Variants in DEGS2 observed in about 807,000 individuals in gnomAD.
DEGS2 encodes the protein delta 4-desaturase, sphingolipid 2.
In DEGS2, 19 loss-of-function variants were observed where a neutral mutation model predicts 23.8. The observed-to-expected ratio is 0.80, with a 90% confidence interval of 0.56 to 1.17. The LOEUF (loss-of-function observed/expected upper bound fraction) is 1.17. Ranked by LOEUF, DEGS2 falls within the 50% of genes most tolerant of loss-of-function variation. DEGS2 has a pLI of 0.00. For synonymous variants in DEGS2, 218 were observed against 213.7 expected, an observed-to-expected ratio of 1.02 and a Z score of -0.18; for missense variants, 390 against 459.5, an observed-to-expected ratio of 0.85 and a Z score of 1.38.
rs183217476 is a variant in DEGS2 at position 100,144,128 on chromosome 14, G to A, written c.*2633C>T. 3.8e-4 allele frequency: 111 copies of A among 291,792 alleles called. 2 individuals carry two copies. In the East Asian group the frequency reaches 7.0e-3, roughly 19 times the overall value. 18.1% of individuals were successfully genotyped at this position (291,792 alleles called of 1,614,324 possible). A position where few individuals can be genotyped will look rare whatever the true frequency, so the allele number is the denominator to read the frequency against. Reference sequence around the variant, plus strand: ...GCCCAGCGTGGCGCCACCACACACCGCAGAGCTGTCCAGGCACAGCTCCGT... The same window carrying A: ...GCCCAGCGTGGCGCCACCACACACCACAGAGCTGTCCAGGCACAGCTCCGT... On this transcript the variant is annotated 3_prime_UTR_variant, in exon 3 of 3. Transcript: ENST00000305631.
chr14:100,149,350 A>G lies in DEGS2; in HGVS notation c.443T>C (p.Leu148Pro). The G allele has an allele frequency of 6.2e-7, 1 of 1,609,618 alleles. No homozygotes were observed. Among genetic ancestry groups the G allele is most frequent in the East Asian group, 2.2e-5 (1 of 44,814 alleles). Residue 148 changes from leucine (L) to proline (P), a missense_variant, in exon 2 of 3, where the codon CTG (leucine) becomes CCG (proline). Transcript: ENST00000305631. ...DGLDVDVPTRLEGWFFCTPAR... is the reference protein window; with the variant it reads ...DGLDVDVPTRPEGWFFCTPAR... ...GGGTGTGCAGAAGAACCAGCCCTCC[A>G]GACGCGTGGGCACGTCCACGTCCAG...
chr14:100,148,738 A>G (rs1325244938), intron 2 of DEGS2, among the ~76,000 whole-genome samples: 1 of 152,234 alleles, frequency 6.6e-6, no homozygotes, highest in East Asian at 1.9e-4. Context: ...GGACTGTGAA[A>G]TGCCTCTCAG....
chr14:100,150,068 A>G (rs1013717876), intron 1 of DEGS2, among the ~76,000 whole-genome samples: 2 of 152,180 alleles, frequency 1.3e-5, no homozygotes, highest in African/African-American at 4.8e-5. Flanking sequence ...TGTGTACTCA[A>G]GCACACGGGG....
chr14:100,159,483 G>C (rs942861763), intron 1 of DEGS2, 23 bp downstream of exon 1: 3 of 1,466,896 alleles, frequency 2.0e-6, no homozygotes, highest in African/African-American at 1.5e-5. Flanking sequence ...TCCCCACCGG[G>C]GTGGGCCCCG....
chr14:100,145,479 AG>A lies in DEGS2; in HGVS notation c.*1281del, dbSNP rs1394174728. 6.6e-6 allele frequency: 1 copy of A among 152,238 alleles called. No individual in the cohort carries two copies. Among genetic ancestry groups the A allele is most frequent in the Non-Finnish European group, 1.5e-5 (1 of 68,068 alleles). 9.4% of individuals were successfully genotyped at this position (152,238 alleles called of 1,614,324 possible). The stretch of plus-strand genomic sequence containing the variant: ...GCTGTGCGGGGCCACTCCCAGGTAT[AG>A]GGGGAGACCTGCATCTCCCAGGTCA... On this transcript the variant is annotated 3_prime_UTR_variant, in exon 3 of 3. Transcript: ENST00000305631.
intron 1 of DEGS2, among the ~76,000 whole-genome samples, chr14:100,159,015 C>G (rs1889704024): frequency 6.6e-6 from 1 of 152,252 alleles, no homozygotes; most frequent in African/African-American, 2.4e-5. Context: ...GCTCCCTTCC[C>G]GGCGCTCATC....
chr14:100,162,778 G>T (rs1889764537), upstream of DEGS2, among the ~76,000 whole-genome samples: 1 of 152,180 alleles, frequency 6.6e-6, no homozygotes, highest in Admixed American at 6.5e-5. Flanking sequence ...CCTCTCAAGA[G>T]GGCCCTGATT....
In DEGS2 at chr14:100,149,583, C is replaced by T. The variant is rs1250767167; in HGVS notation, c.210G>A (p.Leu70=). 1 of 1,609,122 alleles carries T rather than the reference C, an allele frequency of 6.2e-7. No individual in the cohort carries two copies. Among genetic ancestry groups the T allele is most frequent in the African/African-American group, 1.3e-5 (1 of 74,904 alleles). Reference sequence around the variant, plus strand: ...AGCCACCAAAGGCGTAGGCCCAGAACAGCAGCCAGCGCCAGGCCAGCCCGC... The same window carrying T: ...AGCCACCAAAGGCGTAGGCCCAGAATAGCAGCCAGCGCCAGGCCAGCCCGC... ...LVRGLAWRWL[L]FWAYAFGGCV... is the part of the protein sequence containing the mutation. The change falls in exon 2 of 3, where the codon CTG becomes CTA. Residue 70 remains leucine (L), a synonymous_variant. Transcript: ENST00000305631.
rs905935789 is a variant in DEGS2 at position 100,149,321 on chromosome 14, G to A, written c.472C>T (p.Arg158Cys). Reference sequence around the variant, plus strand: ...TGCAGCACCAGCCAGAGCAGCTTGCGGGCGGGTGTGCAGAAGAACCAGCCC... The same window carrying A: ...TGCAGCACCAGCCAGAGCAGCTTGCAGGCGGGTGTGCAGAAGAACCAGCCC... ...LEGWFFCTPA[R>C]KLLWLVLQPF... is the part of the protein sequence containing the mutation. The change falls in exon 2 of 3, where the codon CGC becomes TGC. Residue 158 changes from arginine to cysteine, a missense_variant. Coordinates refer to ENST00000305631, the MANE Select transcript of DEGS2 (RefSeq NM_206918.3). 21 of 1,611,792 alleles carry A rather than the reference G, an allele frequency of 1.3e-5. No individual in the cohort carries two copies. Among genetic ancestry groups the A allele is most frequent in the African/African-American group, 8.0e-5 (6 of 74,908 alleles).
upstream of DEGS2, among the ~76,000 whole-genome samples, chr14:100,162,375 A>G (rs1471066431): frequency 8.4e-6 from 1 of 118,884 alleles, no homozygotes; most frequent in Non-Finnish European, 1.8e-5. Flanking sequence ...AATAAATAAA[A>G]TAAATAAATA....
At chr14:100,161,075 C>T (rs950998985), upstream of DEGS2, among the ~76,000 whole-genome samples, 11 of 152,240 alleles carry the variant, frequency 7.2e-5, no homozygotes, top group African/African-American at 1.4e-4. Flanking sequence ...AGATGAGGAG[C>T]GCCTTGCCTG....
the DEGS2 span, among the ~76,000 whole-genome samples, chr14:100,165,125 G>A: frequency 6.6e-6 from 1 of 152,084 alleles, no homozygotes; most frequent in Non-Finnish European, 1.5e-5. Flanking sequence ...AGATGCCAGT[G>A]ACCACCTCAC....
In DEGS2 at chr14:100,159,557, C is replaced by G; in HGVS notation, c.31G>C (p.Glu11Gln). Residue 11 changes from glutamate to glutamine, a missense_variant, in exon 1 of 3, where the codon GAG (glutamate) becomes CAG (glutamine). By Grantham distance (29) the Glu-to-Gln change is conservative. Transcript: ENST00000305631. ...TGCGGCTGGTCGGTGTAGACCCACTCGAAGTCGCTGCGGCTCGCGCTGTTG... is the reference window on the plus strand; with the variant it reads ...TGCGGCTGGTCGGTGTAGACCCACTGGAAGTCGCTGCGGCTCGCGCTGTTG... MGNSASRSDF[E>Q]WVYTDQPHTQ... 6.6e-7 allele frequency: 1 copy of G among 1,507,080 alleles called. No homozygotes were observed. Among genetic ancestry groups the G allele is most frequent in the Non-Finnish European group, 8.9e-7 (1 of 1,129,358 alleles). 93.4% of individuals were successfully genotyped at this position (1,507,080 alleles called of 1,614,324 possible). A position where few individuals can be genotyped will look rare whatever the true frequency, so the allele number is the denominator to read the frequency against.
intron 1 of DEGS2, among the ~76,000 whole-genome samples, chr14:100,153,252 CAGATAGATAGATAGAT>C (rs61183768): frequency 0.07 from 10,350 of 147,496 alleles, 476 homozygotes; most frequent in Admixed American, 0.14. Context: ...ATGGCAAAAA[CAGATAGATAGATAGAT>C]AGATAGATAG....
intron 1 of DEGS2, among the ~76,000 whole-genome samples, chr14:100,153,324 T>C (rs143481256): frequency 1.3e-5 from 2 of 152,176 alleles, no homozygotes; most frequent in African/African-American, 4.8e-5. Context: ...GAGAGATAGA[T>C]ACATAGATCC....
At chr14:100,148,543 TGGGCTGCGAAGGGCA>T (rs1889498938) in intron 2 of DEGS2, among the ~76,000 whole-genome samples, 4 of 152,186 alleles carry the variant, frequency 2.6e-5, no homozygotes, top group Admixed American at 1.3e-4. Context: ...CCAAGCCCCT[TGGGCTGCGAAGGGCA>T]AGGCCCACCC....
At chr14:100,164,540 G>A (rs1199842946), upstream of DEGS2, among the ~76,000 whole-genome samples, 1 of 152,152 alleles carries the variant, frequency 6.6e-6, no homozygotes, top group African/African-American at 2.4e-5. Flanking sequence ...AGGAGGCTGA[G>A]GCAGGAGAAT....
At chr14:100,151,874 G>T (rs1889577656) in intron 1 of DEGS2, among the ~76,000 whole-genome samples, 1 of 152,216 alleles carries the variant, frequency 6.6e-6, no homozygotes, top group African/African-American at 2.4e-5. Flanking sequence ...AGATTGCAAA[G>T]ATCTACCATC....
At chr14:100,153,968 G>A (rs1323072278) in intron 1 of DEGS2, among the ~76,000 whole-genome samples, 4 of 152,154 alleles carry the variant, frequency 2.6e-5, no homozygotes, top group East Asian at 1.9e-4. Context: ...CAGGACCCCC[G>A]ACTCCAGGCC....
Sources: gnomAD v4.1 joint callset for allele counts (sites outside exome capture counted in the v4.1 genomes callset) on GRCh38, gnomAD v4.1.1 for gene constraint, MANE v1.5 for transcripts, NCBI Gene and HGNC (gene_info 2026-07-23, HGNC 2026-07-21) for gene names.